The following GYS2 variants were observed in gnomAD, a reference collection of about 807,000 sequenced individuals.
GYS2 encodes the protein glycogen [starch] synthase, liver.
A neutral mutation model predicts 85.6 loss-of-function variants in GYS2; 80 were observed. That is an observed-to-expected ratio of 0.93 (90% CI 0.78 to 1.13). GYS2 has a LOEUF of 1.13. Ranked by LOEUF, GYS2 falls within the 50% of genes most tolerant of loss-of-function variation. The pLI is 0.00. For missense variants in GYS2, 881 were observed against 854.9 expected (o/e 1.03, Z -0.38); for synonymous variants, 328 against 300.7 (o/e 1.09, Z -0.94).
chr12:21,580,228 C>G, intron 2 of GYS2, 114 bp downstream of exon 2: 2 of 966,966 alleles, frequency 2.1e-6, no homozygotes, highest in Middle Eastern at 2.1e-4. Context: ...TCTCACAAAC[C>G]TGAAAGTTTT....
chr12:21,582,526 T>C (rs1944521558), intron 1 of GYS2, among the ~76,000 whole-genome samples: 1 of 152,090 alleles, frequency 6.6e-6, no homozygotes, highest in Non-Finnish European at 1.5e-5. Flanking sequence ...TTTGGGACCT[T>C]GTGAACATGT....
At chr12:21,586,419 A>C (rs1019973377) in intron 1 of GYS2, among the ~76,000 whole-genome samples, 1 of 147,768 alleles carries the variant, frequency 6.8e-6, no homozygotes, top group Non-Finnish European at 1.5e-5. Context: ...ATCTAAATCT[A>C]TATCTATCTA....
intron 4 of GYS2, among the ~76,000 whole-genome samples, chr12:21,570,529 CT>C (rs1263706884): frequency 6.6e-6 from 1 of 152,342 alleles, no homozygotes; most frequent in African/African-American, 2.4e-5. Context: ...ACTTATTCAT[CT>C]TTCTATCTCC....
downstream of GYS2, among the ~76,000 whole-genome samples, chr12:21,534,416 C>G (rs1465863444): frequency 6.6e-6 from 1 of 152,068 alleles, no homozygotes; most frequent in Non-Finnish European, 1.5e-5. Context: ...ACTTGGGAGG[C>G]TGCAGCACAA....
At chr12:21,553,667 A>G (rs1320202962) in intron 11 of GYS2, among the ~76,000 whole-genome samples, 1 of 152,216 alleles carries the variant, frequency 6.6e-6, no homozygotes, top group Admixed American at 6.5e-5. Context: ...TATTCTGGTA[A>G]GTGGGAGGTA....
chr12:21,570,306 A>G (rs1007048799), intron 4 of GYS2, among the ~76,000 whole-genome samples: 12 of 152,242 alleles, frequency 7.9e-5, no homozygotes, highest in Non-Finnish European at 1.5e-4. Context: ...TGAGCAATTT[A>G]TGTGTATCTA....
At chr12:21,561,825 C>T (rs909260967) in intron 7 of GYS2, among the ~76,000 whole-genome samples, 27 of 152,066 alleles carry the variant, frequency 1.8e-4, no homozygotes, top group Non-Finnish European at 1.5e-4. Flanking sequence ...TGTTTATTAA[C>T]GTGGCTTTAG....
rs771290917 is a variant in GYS2, at chr12:21,575,831, G to A, written c.495+35C>T. On this transcript the variant is annotated intron_variant, in intron 3 of 15. Transcript: ENST00000261195. ...CTTGGGCACTGAAAGCAGTTGTGCTGCTCCTCCGTTGTATCACTATATAAT... is the reference window on the plus strand; with the variant it reads ...CTTGGGCACTGAAAGCAGTTGTGCTACTCCTCCGTTGTATCACTATATAAT... 21 of 1,509,000 alleles carry A rather than the reference G, an allele frequency of 1.4e-5. No individual in the cohort carries two copies. In the East Asian group the frequency reaches 4.5e-4, roughly 32 times the overall value. 93.5% of individuals were successfully genotyped at this position (1,509,000 alleles called of 1,614,324 possible). A position where few individuals can be genotyped will look rare whatever the true frequency, so the allele number is the denominator to read the frequency against.
chr12:21,602,827 CAG>C, intron 1 of GYS2, among the ~76,000 whole-genome samples: 1 of 152,118 alleles, frequency 6.6e-6, no homozygotes, highest in Non-Finnish European at 1.5e-5. Flanking sequence ...GCCCAGGTAA[CAG>C]TGCTCCATTA....
rs145797511 is a variant in GYS2, at chr12:21,538,897, C to T, written c.1890+361G>A. 1.0e-3 allele frequency among the ~76,000 whole-genome samples: 156 copies of T among 152,296 alleles called. 3 individuals are homozygous for T. The highest frequency in any genetic ancestry group is 3.6e-3 in the African/African-American group (151 of 41,578). ...GGGGTGCTGAACTTACTCTATTTTA[C>T]TCTTGCCAAGCGGTCACCCTATATT... On this transcript the variant is annotated intron_variant, in intron 15 of 15. Transcript: ENST00000261195.
Position 21,575,947 on chromosome 12 carries a change from G to A in GYS2, c.414C>T (p.Cys138=), listed in dbSNP as rs777891344. 6 of 1,613,564 alleles carry A rather than the reference G, an allele frequency of 3.7e-6. No individual in the cohort carries two copies. The South Asian group carries it at 6.6e-5, about 18-fold the overall frequency. ...GGTCATGATAAGGAATGCCGACACT[G>A]CATGCTTCCCAGAGGTCACCCTTCC... The part of the protein sequence containing the change: ...DRWKGDLWEA[C]SVGIPYHDRE... Residue 138 remains cysteine (C), a synonymous_variant, in exon 3 of 16, where the codon TGC becomes TGT. Coordinates refer to ENST00000261195, the MANE Select transcript of GYS2 (RefSeq NM_021957.4).
rs377112001 is a variant in GYS2 at position 21,604,007 on chromosome 12, T to G, written c.121+465A>C. On this transcript the variant is annotated intron_variant, in intron 1 of 15. Transcript: ENST00000261195. ...GAAGCTCCTGAATTAAAACATTAAT[T>G]CCAAGCTAATTGTGAATATGAAACA... is the stretch of plus-strand genomic sequence containing the variant. Among the ~76,000 whole-genome samples, 8 of 152,248 alleles carry G rather than the reference T, an allele frequency of 5.3e-5. No individual in the cohort carries two copies. The East Asian group carries it at 9.6e-4, about 18-fold the overall frequency.
intron 4 of GYS2, among the ~76,000 whole-genome samples, chr12:21,569,269 A>C (rs1944358876): frequency 6.6e-6 from 1 of 152,250 alleles, no homozygotes; most frequent in African/African-American, 2.4e-5. Context: ...ACCTTACTGT[A>C]ATCACATAGA....
intron 5 of GYS2, among the ~76,000 whole-genome samples, chr12:21,568,149 A>T (rs908001298): frequency 5.9e-5 from 9 of 152,054 alleles, no homozygotes; most frequent in African/African-American, 2.2e-4. Flanking sequence ...TTTGCTTCTT[A>T]TAACAATTCA....
chr12:21,602,024 T>C (rs1157559715), intron 1 of GYS2, among the ~76,000 whole-genome samples: 1 of 152,152 alleles, frequency 6.6e-6, no homozygotes, highest in Non-Finnish European at 1.5e-5. Flanking sequence ...AAGGGATTCT[T>C]CTCCTAAGAA....
At chr12:21,580,758 A>G (rs1944500760) in intron 1 of GYS2, among the ~76,000 whole-genome samples, 1 of 152,234 alleles carries the variant, frequency 6.6e-6, no homozygotes, top group South Asian at 2.1e-4. Context: ...TGCATGTGAA[A>G]TAGCAGCAGG....
intron 1 of GYS2, among the ~76,000 whole-genome samples, chr12:21,595,600 T>G (rs1353897052): frequency 6.7e-6 from 1 of 150,082 alleles, no homozygotes; most frequent in East Asian, 2.0e-4. Context: ...GCCTAAATGC[T>G]CCACTTAAAA....
chr12:21,540,313 T>A, intron 14 of GYS2, 97 bp downstream of exon 14: 1 of 1,052,108 alleles, frequency 9.5e-7, no homozygotes, highest in Admixed American at 1.9e-5. Flanking sequence ...ACAATTATAA[T>A]ATTGGATTAA....
chr12:21,561,944 T>G (rs1036311559), intron 7 of GYS2, among the ~76,000 whole-genome samples: 1 of 152,164 alleles, frequency 6.6e-6, no homozygotes, highest in African/African-American at 2.4e-5. Flanking sequence ...AAAGTTTAGA[T>G]TTTCTCATTA....
Sources: allele counts gnomAD v4.1 joint callset (sites outside exome capture counted in the v4.1 genomes callset), GRCh38; gene constraint gnomAD v4.1.1; transcripts MANE v1.5; gene names NCBI Gene and HGNC (gene_info 2026-07-23, HGNC 2026-07-21).